Variants in TPP2 observed in about 807,000 individuals in gnomAD.
TPP2 encodes the protein tripeptidyl peptidase 2.
In TPP2, 34 loss-of-function variants were observed where a neutral mutation model predicts 155.9. The ratio of observed to expected loss-of-function variants is 0.22; its 90% CI spans 0.17 to 0.29. The LOEUF (loss-of-function observed/expected upper bound fraction) is 0.29, where lower values mean the gene tolerates loss of function less well. Ranked by LOEUF, TPP2 falls within the 10% of genes least tolerant of loss-of-function variation. TPP2 has a pLI of 1.00. For synonymous variants in TPP2, 510 were observed against 529.4 expected, an observed-to-expected ratio of 0.96 and a Z score of 0.50; for missense variants, 1,028 against 1,522.3, an observed-to-expected ratio of 0.68 and a Z score of 5.40.
In TPP2 at chr13:102,663,679, A is replaced by G; in HGVS notation, c.3175A>G (p.Lys1059Glu). ...LDSSDIYNELKETYPNYLPLY... is the reference protein window; with the variant it reads ...LDSSDIYNELEETYPNYLPLY... ...TTCTAGTGACATTTATAACGAATTGAAAGAAACATATCCTAATTATCTTCC... is the reference window on the plus strand; with the variant it reads ...TTCTAGTGACATTTATAACGAATTGGAAGAAACATATCCTAATTATCTTCC... The change falls in exon 26 of 30, where the codon AAA (lysine) becomes GAA (glutamate). Residue 1059 changes from lysine (K) to glutamate (E), a missense_variant. Around this residue, in one of 7 missense-constraint regions of TPP2, gnomAD observed 179 missense variants for 274.7 expected, o/e 0.65. Transcript: ENST00000376052. The G allele has an allele frequency of 1.2e-6, 2 of 1,607,146 alleles. No individual in the cohort carries two copies. The highest frequency in any genetic ancestry group is 1.7e-5 in the Admixed American group (1 of 58,844).
At chr13:102,648,251 A>G (rs1402954357) in intron 21 of TPP2, among the ~76,000 whole-genome samples, 1 of 152,182 alleles carries the variant, frequency 6.6e-6, no homozygotes, top group Non-Finnish European at 1.5e-5. Flanking sequence ...ATGGTGGCAC[A>G]TGCCTGTGAT....
rs944134770 is a variant in TPP2 at position 102,627,784 on chromosome 13, A to AT, written c.940-60dup. ...ACTATAGGATTATATATATGCCCTT[A>AT]TTTTACTGGCTAATCTGTTTCTGTA... On this transcript the variant is annotated intron_variant, in intron 7 of 29. Transcript: ENST00000376052. 2.6e-5 allele frequency: 32 copies of AT among 1,232,110 alleles called. No homozygotes were observed. The African/African-American group carries it at 4.7e-4, about 18-fold the overall frequency. The allele number at this position is 1,232,110 out of a possible 1,614,324, so 76.3% of individuals were successfully genotyped here.
intron 26 of TPP2, among the ~76,000 whole-genome samples, chr13:102,664,063 C>T (rs1884427806): frequency 6.6e-6 from 1 of 152,178 alleles, no homozygotes; most frequent in Non-Finnish European, 1.5e-5. Flanking sequence ...ATCTGAACGC[C>T]TTCACTGAAA....
rs1880923782 is a variant in TPP2 at position 102,618,604 on chromosome 13, C to A, written c.496-118C>A. ...GCATAGATAGAACAAAATTTTCTTA[C>A]ATTTTTTCAGGGTAAAATAATTTTA... On this transcript the variant is annotated intron_variant, in intron 4 of 29. Coordinates refer to ENST00000376052, the MANE Select transcript of TPP2 (RefSeq NM_001330588.2). The A allele has an allele frequency of 1.1e-5, 15 of 1,352,550 alleles. No homozygotes were observed. The South Asian group carries it at 2.1e-4, about 19-fold the overall frequency. 83.8% of individuals were successfully genotyped at this position (1,352,550 alleles called of 1,614,324 possible). A position where few individuals can be genotyped will look rare whatever the true frequency, so the allele number is the denominator to read the frequency against.
intron 1 of TPP2, among the ~76,000 whole-genome samples, chr13:102,602,562 G>A (rs982674781): frequency 6.6e-6 from 1 of 152,134 alleles, no homozygotes; most frequent in Admixed American, 6.5e-5. Flanking sequence ...ATGGCAACAA[G>A]ATTGAAATGA....
intron 27 of TPP2, among the ~76,000 whole-genome samples, chr13:102,672,047 G>A (rs559365880): frequency 1.1e-4 from 16 of 152,074 alleles, no homozygotes; most frequent in South Asian, 4.2e-4. Context: ...CTTCATTTTC[G>A]AGGGTTCCAT....
intron 16 of TPP2, among the ~76,000 whole-genome samples, chr13:102,642,174 A>C (rs150187754): frequency 6.6e-6 from 1 of 152,210 alleles, no homozygotes; most frequent in African/African-American, 2.4e-5. Flanking sequence ...TACTTGGTAC[A>C]TAGCTTGTCT....
chr13:102,625,203 C>T (rs1436069047), intron 6 of TPP2, among the ~76,000 whole-genome samples: 2 of 116,944 alleles, frequency 1.7e-5, no homozygotes, highest in African/African-American at 3.4e-5. Flanking sequence ...CTCGCTCTGT[C>T]GCCCAGGCTG....
In TPP2 at chr13:102,654,858, TC is replaced by T. The variant is rs2139565213; in HGVS notation, c.2992-2197del. The T allele has an allele frequency of 6.9e-6, 3 of 435,132 alleles. No individual in the cohort carries two copies. The East Asian group carries it at 2.1e-4, about 31-fold the overall frequency. 27.0% of individuals were successfully genotyped at this position (435,132 alleles called of 1,614,324 possible). ...AAGAACTTGGTGGTAGAAGATCAGC[TC>T]AGATTTTGCGCTTACCTTGGCTTTG... On this transcript the variant is annotated intron_variant, in intron 24 of 29. Coordinates refer to ENST00000376052, the MANE Select transcript of TPP2 (RefSeq NM_001330588.2).
At chr13:102,677,456 A>G (rs530244266) in intron 29 of TPP2, among the ~76,000 whole-genome samples, 3 of 152,310 alleles carry the variant, frequency 2.0e-5, no homozygotes, top group East Asian at 1.9e-4. Flanking sequence ...CATTTGGAAT[A>G]AAATCCAAAC....
chr13:102,663,099 T>C lies in TPP2; in HGVS notation c.3144-549T>C, dbSNP rs181019073. Reference sequence around the variant, plus strand: ...TTGGATATCTTATTGAACTCTTAATTGGAATAATTTTCAGTTTGATTTATT... The same window carrying C: ...TTGGATATCTTATTGAACTCTTAATCGGAATAATTTTCAGTTTGATTTATT... On this transcript the variant is annotated intron_variant, in intron 25 of 29. Coordinates refer to ENST00000376052, the MANE Select transcript of TPP2 (RefSeq NM_001330588.2). 3.4e-5 allele frequency among the ~76,000 whole-genome samples: 5 copies of C among 148,758 alleles called. No individual in the cohort carries two copies. In the East Asian group the frequency reaches 9.7e-4, roughly 29 times the overall value.
chr13:102,635,321 G>A (rs1369922134), intron 11 of TPP2, among the ~76,000 whole-genome samples: 2 of 152,092 alleles, frequency 1.3e-5, no homozygotes, highest in Non-Finnish European at 2.9e-5. Flanking sequence ...TGCTTTGTAC[G>A]TTTATATTAC....
chr13:102,624,852 C>CTTTT (rs1029486604), intron 6 of TPP2, among the ~76,000 whole-genome samples: 46 of 83,420 alleles, frequency 5.5e-4, no homozygotes, highest in Non-Finnish European at 7.2e-4. Context: ...TTTTTTTTTC[C>CTTTT]TTTTTTTTTT....
intron 24 of TPP2, among the ~76,000 whole-genome samples, chr13:102,655,408 T>C (rs887422499): frequency 2.6e-5 from 4 of 152,186 alleles, no homozygotes; most frequent in Admixed American, 6.6e-5. Flanking sequence ...TTAAAATGAA[T>C]ATAGTATTTT....
chr13:102,663,638 A>G lies in TPP2; in HGVS notation c.3144-10A>G, dbSNP rs1375997008. 1 of 1,567,034 alleles carries G rather than the reference A, an allele frequency of 6.4e-7. No homozygotes were observed. On this transcript the variant is annotated splice_polypyrimidine_tract_variant and intron_variant, in intron 25 of 29. Coordinates refer to ENST00000376052, the MANE Select transcript of TPP2 (RefSeq NM_001330588.2). ...AAAAGTAAATATTTCTCTCCTTCTT[A>G]CATACATAGGCTGGATTCTAGTGAC...
chr13:102,600,157 C>G (rs575830651), intron 1 of TPP2, among the ~76,000 whole-genome samples: 1 of 152,148 alleles, frequency 6.6e-6, no homozygotes, highest in Non-Finnish European at 1.5e-5. Context: ...TTTCTTATGT[C>G]CATAGCCCCT....
At chr13:102,624,387 A>T (rs979210963) in intron 6 of TPP2, among the ~76,000 whole-genome samples, 1 of 152,178 alleles carries the variant, frequency 6.6e-6, no homozygotes, top group Non-Finnish European at 1.5e-5. Context: ...CTTCACATAC[A>T]TACATATACA....
At chr13:102,637,792 C>T (rs1319568635) in intron 14 of TPP2, among the ~76,000 whole-genome samples, 1 of 152,178 alleles carries the variant, frequency 6.6e-6, no homozygotes, top group Admixed American at 6.5e-5. Context: ...CTCAAGTGAT[C>T]CTCCTGCCTT....
intron 27 of TPP2, 107 bp downstream of exon 27, chr13:102,665,032 A>G: frequency 7.5e-7 from 1 of 1,334,044 alleles, no homozygotes; most frequent in Non-Finnish European, 1.0e-6. Flanking sequence ...TGTTTGTTAT[A>G]TCCTTATAAT....
Sources: gnomAD v4.1 joint callset for allele counts (sites outside exome capture counted in the v4.1 genomes callset) on GRCh38, gnomAD v4.1.1 for gene constraint, gnomAD v4.1.1 regional missense constraint, MANE v1.5 for transcripts, NCBI Gene and HGNC (gene_info 2026-07-23, HGNC 2026-07-21) for gene names.